Variants in RPS6KA5 observed in about 807,000 individuals in gnomAD.
RPS6KA5 encodes the protein ribosomal protein S6 kinase alpha-5.
A neutral mutation model predicts 85.5 loss-of-function variants in RPS6KA5; 27 were observed. The ratio of observed to expected loss-of-function variants is 0.32; its 90% CI spans 0.23 to 0.44. RPS6KA5 has a LOEUF of 0.44. Ranked by LOEUF, RPS6KA5 falls within the 20% of genes least tolerant of loss-of-function variation. The pLI is 1.00. For synonymous variants in RPS6KA5, 334 were observed against 348.2 expected (o/e 0.96, Z 0.46); for missense variants, 811 against 980.9 (o/e 0.83, Z 2.31).
At chr14:90,969,757 A>G (rs114486138) in intron 3 of RPS6KA5, among the ~76,000 whole-genome samples, 1,890 of 152,270 alleles carry the variant, frequency 0.012, 24 homozygotes, top group South Asian at 0.034. Flanking sequence ...TCTCCTACTT[A>G]GAATTTCTCT....
intron 3 of RPS6KA5, among the ~76,000 whole-genome samples, chr14:90,976,852 G>A (rs543165298): frequency 6.6e-6 from 1 of 152,152 alleles, no homozygotes; most frequent in Admixed American, 6.5e-5. Flanking sequence ...GGCTCAAAAG[G>A]TGAATGCAAT....
intron 4 of RPS6KA5, among the ~76,000 whole-genome samples, chr14:90,943,854 A>T (rs939900980): frequency 6.6e-6 from 1 of 151,936 alleles, no homozygotes; most frequent in African/African-American, 2.4e-5. Flanking sequence ...TGTTGTTGTT[A>T]TTGTTGTTGT....
rs2032087179 is a variant in RPS6KA5 at position 90,852,989 on chromosome 14, C to T, written c.*19085G>A. ...CTTGTGATCCGCCCGCCTCGGCCTC[C>T]CAAAGTGCTGGGATTACAGGCATGA... On this transcript the variant is annotated 3_prime_UTR_variant, in exon 17 of 17. Transcript: ENST00000614987. 6.6e-6 allele frequency: 1 copy of T among 152,076 alleles called. No homozygotes were observed. Among genetic ancestry groups the T allele is most frequent in the Admixed American group, 6.6e-5 (1 of 15,260 alleles). 9.4% of individuals were successfully genotyped at this position (152,076 alleles called of 1,614,324 possible).
chr14:91,054,812 T>A lies in RPS6KA5; in HGVS notation c.103+5520A>T, dbSNP rs187694012. 8.0e-4 allele frequency among the ~76,000 whole-genome samples: 122 copies of A among 152,002 alleles called. No individual in the cohort carries two copies. In the East Asian group the frequency reaches 0.019, roughly 24 times the overall value. On this transcript the variant is annotated intron_variant, in intron 1 of 16. Transcript: ENST00000614987. ...TTATTTAAAAAAAAAAATTTTTTTT[T>A]AATTAAAGACTTTTGTGCTCCTAAG...
intron 13 of RPS6KA5, among the ~76,000 whole-genome samples, chr14:90,893,155 G>C (rs1218925038): frequency 6.6e-6 from 1 of 152,076 alleles, no homozygotes; most frequent in African/African-American, 2.4e-5. Flanking sequence ...AAAACTACAT[G>C]CTTGTTCCTT....
intron 1 of RPS6KA5, among the ~76,000 whole-genome samples, chr14:91,049,812 A>G (rs985510313): frequency 6.6e-6 from 1 of 152,232 alleles, no homozygotes; most frequent in African/African-American, 2.4e-5. Flanking sequence ...CACCTGGTAT[A>G]TGGTATATAG....
intron 7 of RPS6KA5, among the ~76,000 whole-genome samples, chr14:90,911,914 C>T (rs992039684): frequency 6.6e-6 from 1 of 152,104 alleles, no homozygotes; most frequent in African/African-American, 2.4e-5. Flanking sequence ...TACAAGATCA[C>T]GAACCCAATG....
chr14:90,896,471 T>C (rs557363150), intron 12 of RPS6KA5, among the ~76,000 whole-genome samples: 1 of 152,274 alleles, frequency 6.6e-6, no homozygotes, highest in South Asian at 2.1e-4. Flanking sequence ...GTTGTTACCT[T>C]AGAAGGATGG....
Position 90,868,221 on chromosome 14 carries a change from C to T in RPS6KA5, c.*3853G>A, listed in dbSNP as rs1192915374. 6.6e-6 allele frequency: 1 copy of T among 151,642 alleles called. No individual in the cohort carries two copies. The highest frequency in any genetic ancestry group is 2.4e-5 in the African/African-American group (1 of 41,376). The allele number at this position is 151,642 out of a possible 1,614,324, so 9.4% of individuals were successfully genotyped here. The stretch of plus-strand genomic sequence containing the variant: ...ACTTAAAATATTTCCTTCATACATA[C>T]TTCTGTTAAAATTTTTTTTTCCCAT... On this transcript the variant is annotated 3_prime_UTR_variant, in exon 17 of 17. Transcript: ENST00000614987.
chr14:90,978,212 C>T (rs1200365957), intron 3 of RPS6KA5, 94 bp downstream of exon 3: 1 of 865,566 alleles, frequency 1.2e-6, no homozygotes, highest in African/African-American at 1.7e-5. Context: ...TTCACTTCTT[C>T]TAAGTCCATA....
Position 91,060,599 on chromosome 14 carries a change from G to T in RPS6KA5, c.-165C>A. The T allele has an allele frequency of 1.1e-6, 1 of 950,936 alleles. No individual in the cohort carries two copies. The highest frequency in any genetic ancestry group is 1.4e-6 in the Non-Finnish European group (1 of 730,412). 58.9% of individuals were successfully genotyped at this position (950,936 alleles called of 1,614,324 possible). On this transcript the variant is annotated 5_prime_UTR_variant, in exon 1 of 17. Transcript: ENST00000614987. ...CTTTCCCGCTCTGGCCGCACGGCTC[G>T]CTCCTCGCCTCCTCCCCCTTCGGCG...
rs768515151 is a variant in RPS6KA5 at position 90,848,210 on chromosome 14, T to C, written c.*23864A>G. 6.6e-6 allele frequency: 1 copy of C among 152,192 alleles called. No homozygotes were observed. Among genetic ancestry groups the C allele is most frequent in the Admixed American group, 6.5e-5 (1 of 15,276 alleles). The allele number at this position is 152,192 out of a possible 1,614,324, so 9.4% of individuals were successfully genotyped here. On this transcript the variant is annotated 3_prime_UTR_variant, in exon 17 of 17. Coordinates refer to ENST00000614987, the MANE Select transcript of RPS6KA5 (RefSeq NM_004755.4). Reference sequence around the variant, plus strand: ...AATTCTCAATAAATAGTTACTAGTATAAAAATGCTTAACTCCATATAGCTC... The same window carrying C: ...AATTCTCAATAAATAGTTACTAGTACAAAAATGCTTAACTCCATATAGCTC...
intron 12 of RPS6KA5, 61 bp from the exon 13 acceptor site, chr14:90,894,644 T>G: frequency 6.5e-7 from 1 of 1,546,126 alleles, no homozygotes; most frequent in Non-Finnish European, 8.8e-7. Context: ...TATTAACATA[T>G]AAAACATTTA....
chr14:90,961,131 A>T (rs2038774781), intron 3 of RPS6KA5, among the ~76,000 whole-genome samples: 1 of 152,216 alleles, frequency 6.6e-6, no homozygotes, highest in Non-Finnish European at 1.5e-5. Flanking sequence ...CCAAAGAATA[A>T]CAATAGCAAC....
chr14:91,038,613 GACCTGGCT>G (rs2042488186), intron 1 of RPS6KA5, among the ~76,000 whole-genome samples: 1 of 152,172 alleles, frequency 6.6e-6, no homozygotes, highest in South Asian at 2.1e-4. Context: ...AGGAGCCGCA[GACCTGGCT>G]ACTGCTCCAA....
At chr14:91,040,090 G>C (rs1428687523) in intron 1 of RPS6KA5, among the ~76,000 whole-genome samples, 2 of 152,324 alleles carry the variant, frequency 1.3e-5, no homozygotes, top group East Asian at 3.9e-4. Flanking sequence ...AGTCCTGGCA[G>C]AATAGTGAAT....
rs761920561 is a variant in RPS6KA5 at position 90,862,403 on chromosome 14, A to C, written c.*9671T>G. ...CCAAAACTTGACAAAAATATTAAAG[A>C]CAGAAAAATTACAGGTCTGTCCTTC... On this transcript the variant is annotated 3_prime_UTR_variant, in exon 17 of 17. Coordinates refer to ENST00000614987, the MANE Select transcript of RPS6KA5 (RefSeq NM_004755.4). The C allele has an allele frequency of 2.0e-5, 3 of 152,212 alleles. No individual in the cohort carries two copies. The highest frequency in any genetic ancestry group is 7.2e-5 in the African/African-American group (3 of 41,380). The allele number at this position is 152,212 out of a possible 1,614,324, so 9.4% of individuals were successfully genotyped here.
chr14:90,854,261 C>T lies in RPS6KA5; in HGVS notation c.*17813G>A, dbSNP rs1383955104. 7.0e-6 allele frequency: 1 copy of T among 142,818 alleles called. No homozygotes were observed. Among genetic ancestry groups the T allele is most frequent in the Admixed American group, 6.7e-5 (1 of 14,930 alleles). The allele number at this position is 142,818 out of a possible 1,614,324, so 8.8% of individuals were successfully genotyped here. A position where few individuals can be genotyped will look rare whatever the true frequency, so the allele number is the denominator to read the frequency against. ...AAATGATTAATGTTTAATCATTAAT[C>T]ATTTAATAATAAATGGCTACCAGAT... On this transcript the variant is annotated 3_prime_UTR_variant, in exon 17 of 17. Transcript: ENST00000614987.
intron 1 of RPS6KA5, among the ~76,000 whole-genome samples, chr14:91,004,009 G>C (rs1353873791): frequency 6.6e-6 from 1 of 152,236 alleles, no homozygotes; most frequent in Non-Finnish European, 1.5e-5. Flanking sequence ...CAAGGTTTCA[G>C]TTTGGGGTAC....
Sources: gnomAD v4.1 joint callset for allele counts (sites outside exome capture counted in the v4.1 genomes callset) on GRCh38, gnomAD v4.1.1 for gene constraint, MANE v1.5 for transcripts, NCBI Gene and HGNC (gene_info 2026-07-23, HGNC 2026-07-21) for gene names.